The following PCDH15 variants were observed in gnomAD, a reference collection of about 807,000 sequenced individuals.
PCDH15 encodes the protein protocadherin-15.
Under a neutral mutation model 178.5 loss-of-function variants are expected in PCDH15, and 129 were observed. The observed-to-expected ratio is 0.72, with a 90% confidence interval of 0.63 to 0.84. PCDH15 has a LOEUF of 0.84. Among genes scored for constraint, PCDH15 ranks in the 40% least tolerant of loss-of-function variants. The pLI, the probability that PCDH15 is intolerant of heterozygous loss-of-function variation, is 0.00. For synonymous variants in PCDH15, 800 were observed against 732.0 expected (o/e 1.09, Z -1.50); for missense variants, 2,230 against 2,099.9 (o/e 1.06, Z -1.21).
At chr10:54,837,530 T>A (rs145029264) in intron 3 of PCDH15, among the ~76,000 whole-genome samples, 1,820 of 152,266 alleles carry the variant, frequency 0.012, 24 homozygotes, top group South Asian at 0.041. Flanking sequence ...AAACTGTTAC[T>A]TTTTTAAAAA....
chr10:55,048,700 T>C (rs965585020), intron 2 of PCDH15, among the ~76,000 whole-genome samples: 8 of 151,908 alleles, frequency 5.3e-5, no homozygotes, highest in Non-Finnish European at 4.4e-5. Context: ...TGGATATTTA[T>C]CATTTGTTTT....
intron 2 of PCDH15, among the ~76,000 whole-genome samples, chr10:55,603,135 T>A (rs1843126491): frequency 6.6e-6 from 1 of 151,804 alleles, no homozygotes; most frequent in South Asian, 2.1e-4. Flanking sequence ...AGAAAGGGTA[T>A]CAGCAATGGA....
chr10:54,954,351 AT>A (rs199967659), intron 2 of PCDH15, among the ~76,000 whole-genome samples: 1 of 151,240 alleles, frequency 6.6e-6, no homozygotes, highest in Admixed American at 6.6e-5. Context: ...CTCAAAAAAA[AT>A]TCTAATATCT....
chr10:54,126,575 A>G (rs963921684), intron 15 of PCDH15, among the ~76,000 whole-genome samples: 1 of 152,118 alleles, frequency 6.6e-6, no homozygotes, highest in African/African-American at 2.4e-5. Context: ...CATCTTTGAC[A>G]TGGTTAAATG....
At chr10:55,395,565 T>C (rs1837907932) in intron 2 of PCDH15, among the ~76,000 whole-genome samples, 1 of 152,042 alleles carries the variant, frequency 6.6e-6, no homozygotes, top group South Asian at 2.1e-4. Flanking sequence ...TTGCCAGACA[T>C]GGGTATTTGT....
At chr10:53,911,047 C>G (rs184437745) in intron 25 of PCDH15, among the ~76,000 whole-genome samples, 1 of 152,094 alleles carries the variant, frequency 6.6e-6, no homozygotes, top group East Asian at 1.9e-4. Flanking sequence ...ATTGGTGTAC[C>G]TGAAAGTGAT....
intron 3 of PCDH15, among the ~76,000 whole-genome samples, chr10:54,431,085 C>A (rs1956911902): frequency 6.6e-6 from 1 of 151,944 alleles, no homozygotes. Context: ...ACTGAACAAC[C>A]AATAACAAGT....
chr10:55,147,207 T>A (rs1228343873), intron 2 of PCDH15, among the ~76,000 whole-genome samples: 1 of 151,510 alleles, frequency 6.6e-6, no homozygotes, highest in South Asian at 2.1e-4. Context: ...CAGTGGTCAA[T>A]TGTACTTTCT....
At chr10:54,651,258 G>T (rs561943196) in intron 2 of PCDH15, among the ~76,000 whole-genome samples, 1 of 152,086 alleles carries the variant, frequency 6.6e-6, no homozygotes, top group African/African-American at 2.4e-5. Context: ...TAATGGAAAA[G>T]AATACAATGT....
chr10:53,997,607 GA>G (rs2091917053), intron 20 of PCDH15, among the ~76,000 whole-genome samples: 1 of 151,868 alleles, frequency 6.6e-6, no homozygotes, highest in Non-Finnish European at 1.5e-5. Flanking sequence ...TGATTCTTCA[GA>G]AACAAAAAAA....
At chr10:53,933,552 T>A (rs1468005106) in intron 25 of PCDH15, among the ~76,000 whole-genome samples, 4 of 152,278 alleles carry the variant, frequency 2.6e-5, no homozygotes, top group African/African-American at 9.6e-5. Context: ...ATGTGCCACA[T>A]TTTCTTAATC....
chr10:55,540,763 C>A (rs1841741787), intron 2 of PCDH15, among the ~76,000 whole-genome samples: 1 of 151,962 alleles, frequency 6.6e-6, no homozygotes, highest in Non-Finnish European at 1.5e-5. Flanking sequence ...ATGTTTTGAA[C>A]TGAATTATTT....
chr10:53,880,604 TA>T (rs58460491), intron 26 of PCDH15, among the ~76,000 whole-genome samples: 95,851 of 151,336 alleles, frequency 0.63, 31,087 homozygotes, highest in Middle Eastern at 0.78. Flanking sequence ...CAAAAATTTT[TA>T]AAAAAACCTT....
chr10:55,484,885 C>A (rs77838364), intron 2 of PCDH15, among the ~76,000 whole-genome samples: 1 of 151,458 alleles, frequency 6.6e-6, no homozygotes, highest in Non-Finnish European at 1.5e-5. Flanking sequence ...AAAATCAATT[C>A]GAAATGAATA....
intron 7 of PCDH15, among the ~76,000 whole-genome samples, chr10:54,326,404 C>A: frequency 6.6e-6 from 1 of 152,166 alleles, no homozygotes; most frequent in Non-Finnish European, 1.5e-5. Context: ...TATATGCATA[C>A]ATATAATTTT....
chr10:55,478,871 G>A (rs538443321), intron 2 of PCDH15, among the ~76,000 whole-genome samples: 2 of 149,508 alleles, frequency 1.3e-5, no homozygotes, highest in South Asian at 4.2e-4. Flanking sequence ...CCAACAAATT[G>A]GAAAACCTAG....
intron 2 of PCDH15, among the ~76,000 whole-genome samples, chr10:55,130,573 G>C (rs1838012559): frequency 6.6e-6 from 1 of 151,978 alleles, no homozygotes; most frequent in Non-Finnish European, 1.5e-5. Context: ...TAACCTTCTT[G>C]TAAGTCAATG....
chr10:55,007,165 C>T (rs932349198), intron 2 of PCDH15, among the ~76,000 whole-genome samples: 19 of 152,146 alleles, frequency 1.2e-4, no homozygotes, highest in African/African-American at 4.1e-4. Flanking sequence ...GTGCAGCCTA[C>T]AGAACTGAGA....
intron 3 of PCDH15, among the ~76,000 whole-genome samples, chr10:54,393,206 A>G (rs1215861044): frequency 2.0e-5 from 3 of 152,208 alleles, no homozygotes; most frequent in African/African-American, 7.2e-5. Flanking sequence ...TATGAAGTCA[A>G]GTACCTTTCT....
Sources: gnomAD v4.1 joint callset for allele counts (sites outside exome capture counted in the v4.1 genomes callset) on GRCh38, gnomAD v4.1.1 for gene constraint, MANE v1.5 for transcripts, NCBI Gene and HGNC (gene_info 2026-07-23, HGNC 2026-07-21) for gene names.